RNF32: variants seen among roughly 807,000 people sequenced by gnomAD.
The protein encoded by RNF32 is ring finger protein 32.
A neutral mutation model predicts 41.0 loss-of-function variants in RNF32; 36 were observed. The ratio of observed to expected loss-of-function variants is 0.88; its 90% CI spans 0.67 to 1.16. The LOEUF is 1.16. RNF32 is among the 50% of genes most tolerant of loss of function. The pLI is 0.00. For missense variants in RNF32, 413 were observed against 436.7 expected (o/e 0.95, Z 0.48); for synonymous variants, 154 against 160.9 (o/e 0.96, Z 0.32).
chr7:156,675,641 C>T (rs1803739642), intron 7 of RNF32, 55 bp from the exon 8 acceptor site: 1 of 1,541,930 alleles, frequency 6.5e-7, no homozygotes, highest in African/African-American at 1.4e-5. Context: ...GAGCGCTTCC[C>T]TGCAACCTCC....
chr7:156,673,906 T>TTAAA, intron 7 of RNF32, among the ~76,000 whole-genome samples: 1 of 100,866 alleles, frequency 9.9e-6, no homozygotes, highest in South Asian at 2.7e-4. Context: ...TCCACATTAA[T>TTAAA]AAAAAAAAAA....
rs146854118 is a variant in RNF32 at position 156,655,291 on chromosome 7, T to G, written c.417+573T>G. Among the ~76,000 whole-genome samples, 202 of 150,794 alleles carry G rather than the reference T, an allele frequency of 1.3e-3. 1 individual carries two copies. Among genetic ancestry groups the G allele is most frequent in the South Asian group, 8.2e-3 (39 of 4,750 alleles). On this transcript the variant is annotated intron_variant, in intron 4 of 8. Transcript: ENST00000317955. ...GAGAGAGAGAGAATGCATATATATA[T>G]ATAGAGAGAGAGAGAGAGAATGCAT...
At chr7:156,654,793 A>C (rs1799349625) in intron 4 of RNF32, 75 bp downstream of exon 4, 1 of 1,399,148 alleles carries the variant, frequency 7.1e-7, no homozygotes, top group East Asian at 2.3e-5. Context: ...CTGGAGCCTA[A>C]GATTCCAAGC....
chr7:156,661,190 A>C (rs1257581477), intron 7 of RNF32, among the ~76,000 whole-genome samples: 1 of 132,174 alleles, frequency 7.6e-6, no homozygotes, highest in South Asian at 2.2e-4. Flanking sequence ...ACTTCAGCTT[A>C]AACTCCAGCA....
chr7:156,675,134 C>A (rs12697992), intron 7 of RNF32, among the ~76,000 whole-genome samples: 85,428 of 152,108 alleles, frequency 0.56, 26,662 homozygotes, highest in African/African-American at 0.83. Context: ...GAGGCAGCGG[C>A]GACCCGAAGG....
At chr7:156,659,293 A>T in intron 7 of RNF32, 2 of 1,003,354 alleles carry the variant, frequency 2.0e-6, no homozygotes, top group Non-Finnish European at 2.4e-6. Context: ...GAAATTCTGT[A>T]TTTATTATCA....
intron 8 of RNF32, chr7:156,676,182 C>A: frequency 2.3e-6 from 3 of 1,277,100 alleles, no homozygotes; most frequent in Non-Finnish European, 2.1e-6. Context: ...TTGGATGTTG[C>A]TTATCACAGG....
At chr7:156,653,754 G>C (rs879862195) in intron 3 of RNF32, among the ~76,000 whole-genome samples, 6 of 152,196 alleles carry the variant, frequency 3.9e-5, no homozygotes, top group Admixed American at 3.3e-4. Context: ...GACAGCACAT[G>C]GTGGGTACCC....
At chr7:156,676,198 T>C in intron 8 of RNF32, 1 of 1,419,842 alleles carries the variant, frequency 7.0e-7, no homozygotes, top group South Asian at 1.3e-5. Flanking sequence ...ACAGGTGGGT[T>C]ACTAACCCTT....
intron 7 of RNF32, among the ~76,000 whole-genome samples, chr7:156,664,180 G>C (rs1166826785): frequency 6.6e-6 from 1 of 152,252 alleles, no homozygotes; most frequent in South Asian, 2.1e-4. Context: ...ACATTGCAAG[G>C]GCCGGGCGCG....
intron 3 of RNF32, among the ~76,000 whole-genome samples, chr7:156,648,739 A>T (rs1798308518): frequency 6.6e-6 from 1 of 152,212 alleles, no homozygotes; most frequent in Non-Finnish European, 1.5e-5. Flanking sequence ...TATTCTACAT[A>T]GTAATCTCTT....
In RNF32 at chr7:156,664,460, C is replaced by CA. The variant is rs1272616699; in HGVS notation, c.684+5900dup. Among the ~76,000 whole-genome samples the CA allele has an allele frequency of 2.4e-3, 352 of 145,408 alleles. 1 individual carries two copies. The highest frequency in any genetic ancestry group is 8.1e-3 in the African/African-American group (321 of 39,702). ...TGGGCGACAAGAGTCAAACTCCATCCAAAAAAAAAAGAAAGAAAAAGAAAA... is the reference window on the plus strand; with the variant it reads ...TGGGCGACAAGAGTCAAACTCCATCCAAAAAAAAAAAGAAAGAAAAAGAAAA... On this transcript the variant is annotated intron_variant, in intron 7 of 8. Transcript: ENST00000317955.
chr7:156,655,053 G>T, intron 4 of RNF32: 1 of 180,138 alleles, frequency 5.6e-6, no homozygotes, highest in Non-Finnish European at 1.1e-5. Context: ...GAAAGCAGAG[G>T]GACTCTTAAG....
At chr7:156,648,224 G>A (rs1798243708) in intron 3 of RNF32, among the ~76,000 whole-genome samples, 2 of 152,176 alleles carry the variant, frequency 1.3e-5, no homozygotes, top group African/African-American at 2.4e-5. Context: ...TCTTGGCGCA[G>A]GTCAGATGGA....
rs775805868 is a variant in RNF32 at position 156,675,858 on chromosome 7, G to GTGCA, written c.848_851dup (p.Gln284HisfsTer79). ...AGAAGAGGAATGGGAGAAAATCCAA[G>GTGCA]TGCAGGTAGGTTTGGCTGGCAGCCT... On this transcript the variant is annotated frameshift_variant, in exon 8 of 9. Transcript: ENST00000317955. LOFTEE classifies it low-confidence loss of function (END_TRUNC). 57 of 1,613,004 alleles carry GTGCA rather than the reference G, an allele frequency of 3.5e-5. No homozygotes were observed. The highest frequency in any genetic ancestry group is 4.8e-5 in the Non-Finnish European group (57 of 1,179,434).
chr7:156,667,875 A>C (rs564788861), intron 7 of RNF32, among the ~76,000 whole-genome samples: 2 of 152,342 alleles, frequency 1.3e-5, no homozygotes, highest in South Asian at 4.1e-4. Context: ...CAGTATATTT[A>C]TTAATAAGCT....
At chr7:156,665,313 CCT>C (rs575111068) in intron 7 of RNF32, among the ~76,000 whole-genome samples, 22 of 152,162 alleles carry the variant, frequency 1.4e-4, no homozygotes, top group East Asian at 7.9e-4. Flanking sequence ...GGAAGCCACC[CCT>C]GAGTCTGTTC....
chr7:156,644,440 C>T (rs1797736502), intron 2 of RNF32, 59 bp from the exon 3 acceptor site: 2 of 1,352,060 alleles, frequency 1.5e-6, no homozygotes, highest in Non-Finnish European at 1.0e-6. Context: ...CCTCAGTTCT[C>T]TTCTAAATGA....
intron 1 of RNF32, among the ~76,000 whole-genome samples, chr7:156,643,497 A>G (rs1453571787): frequency 1.3e-5 from 2 of 152,122 alleles, no homozygotes; most frequent in Non-Finnish European, 2.9e-5. Context: ...GTTAGCCTGA[A>G]GTTTTGTAGT....
Sources: allele counts gnomAD v4.1 joint callset (sites outside exome capture counted in the v4.1 genomes callset), GRCh38; gene constraint gnomAD v4.1.1; transcripts MANE v1.5; gene names NCBI Gene and HGNC (gene_info 2026-07-23, HGNC 2026-07-21).